The following NRG1 variants were observed in gnomAD, a reference collection of about 807,000 sequenced individuals.
NRG1 encodes pro-neuregulin-1, membrane-bound isoform.
NRG1 carries 18 observed loss-of-function variants against 63.8 expected under a neutral mutation model. That is an observed-to-expected ratio of 0.28 (90% CI 0.19 to 0.42). NRG1 has a LOEUF of 0.42. NRG1 is among the 10% of genes least tolerant of loss of function. The pLI is 1.00. For missense variants in NRG1, 762 were observed against 814.7 expected, an observed-to-expected ratio of 0.94 and a Z score of 0.79; for synonymous variants, 302 against 301.3, an observed-to-expected ratio of 1.00 and a Z score of -0.02.
At chr8:32,129,699 A>T (rs1487055296) in intron 1 of NRG1, among the ~76,000 whole-genome samples, 2 of 151,960 alleles carry the variant, frequency 1.3e-5, no homozygotes, top group Non-Finnish European at 2.9e-5. Flanking sequence ...TTATGGGTGG[A>T]AAAAGCTTCC....
intron 1 of NRG1, among the ~76,000 whole-genome samples, chr8:31,947,054 C>T (rs866589800): frequency 6.6e-6 from 1 of 150,970 alleles, no homozygotes; most frequent in Non-Finnish European, 1.5e-5. Context: ...TAATCCCAGC[C>T]CTTTGGGAGG....
At chr8:32,291,918 A>G (rs1447060182) in intron 1 of NRG1, among the ~76,000 whole-genome samples, 1 of 152,200 alleles carries the variant, frequency 6.6e-6, no homozygotes, top group Non-Finnish European at 1.5e-5. Context: ...TTGTTGCTAA[A>G]GGCTTGGTAC....
exon 12 of NRG1, chr8:32,766,373 T>A (rs1299600208): frequency 6.6e-6 from 1 of 152,122 alleles, no homozygotes; most frequent in East Asian, 1.9e-4. Context: ...CACTGAGGAG[T>A]CTTTGTCAGG....
chr8:31,766,133 G>A lies in NRG1; in HGVS notation c.37+126702G>A, dbSNP rs144720472. Among the ~76,000 whole-genome samples the A allele has an allele frequency of 2.4e-4, 36 of 152,074 alleles. No individual in the cohort carries two copies. The East Asian group carries it at 6.8e-3, about 29-fold the overall frequency. On this transcript the variant is annotated intron_variant, in intron 1 of 10. Coordinates refer to the NRG1 transcript ENST00000519301. Reference sequence around the variant, plus strand: ...CAGGCAAGAGACAAGTGTACATCTAGTTCCACCAAGAAAACACACACACAC... The same window carrying A: ...CAGGCAAGAGACAAGTGTACATCTAATTCCACCAAGAAAACACACACACAC...
chr8:32,346,089 A>G (rs1226147449), intron 1 of NRG1, among the ~76,000 whole-genome samples: 1 of 147,744 alleles, frequency 6.8e-6, no homozygotes, highest in African/African-American at 2.5e-5. Context: ...ACTATAATTT[A>G]TATACTTATA....
At chr8:31,827,363 A>G (rs1824672748) in intron 1 of NRG1, among the ~76,000 whole-genome samples, 3 of 152,176 alleles carry the variant, frequency 2.0e-5, no homozygotes, top group South Asian at 4.1e-4. Flanking sequence ...GACTTTCCAT[A>G]TGGTGTTCCA....
intron 1 of NRG1, among the ~76,000 whole-genome samples, chr8:31,791,679 G>T (rs1231142964): frequency 6.6e-6 from 1 of 152,094 alleles, no homozygotes; most frequent in Admixed American, 6.5e-5. Flanking sequence ...CATTTCACCT[G>T]CTGCTGGATG....
chr8:32,413,365 G>A (rs552829786), intron 1 of NRG1, among the ~76,000 whole-genome samples: 30 of 152,146 alleles, frequency 2.0e-4, no homozygotes, highest in Non-Finnish European at 3.5e-4. Flanking sequence ...CCTGTTACAA[G>A]CCTGAGGAGA....
chr8:32,610,711 A>C (rs796432235), intron 3 of NRG1, among the ~76,000 whole-genome samples: 19 of 152,288 alleles, frequency 1.2e-4, no homozygotes, highest in African/African-American at 4.3e-4. Context: ...TACTTTATTC[A>C]GAATTAGAGA....
At chr8:32,360,499 A>T (rs1807066039) in intron 1 of NRG1, among the ~76,000 whole-genome samples, 1 of 152,172 alleles carries the variant, frequency 6.6e-6, no homozygotes, top group Non-Finnish European at 1.5e-5. Flanking sequence ...GATAGCAGGT[A>T]GTTAATTAAT....
chr8:31,743,835 T>G (rs901961450), intron 1 of NRG1, among the ~76,000 whole-genome samples: 1 of 151,998 alleles, frequency 6.6e-6, no homozygotes, highest in African/African-American at 2.4e-5. Flanking sequence ...CTTTATATGA[T>G]TTCCAACCTT....
chr8:31,689,475 G>A (rs920877470), intron 1 of NRG1, among the ~76,000 whole-genome samples: 40 of 152,180 alleles, frequency 2.6e-4, no homozygotes, highest in Admixed American at 1.2e-3. Flanking sequence ...CTATGAGGAA[G>A]TGGCTTTTCT....
intron 1 of NRG1, among the ~76,000 whole-genome samples, chr8:31,770,534 G>A (rs936308262): frequency 2.0e-5 from 3 of 150,446 alleles, no homozygotes; most frequent in Non-Finnish European, 3.0e-5. Context: ...ACCAAACACC[G>A]CATGTTCTCA....
intron 5 of NRG1, among the ~76,000 whole-genome samples, chr8:32,691,641 G>A (rs556727559): frequency 6.6e-6 from 1 of 152,282 alleles, no homozygotes; most frequent in East Asian, 1.9e-4. Context: ...GAAAGTTCAT[G>A]TACTCTTGCT....
At chr8:32,575,534 G>A (rs1289347841) in intron 1 of NRG1, among the ~76,000 whole-genome samples, 1 of 151,888 alleles carries the variant, frequency 6.6e-6, no homozygotes, top group African/African-American at 2.4e-5. Context: ...CTGCTCAACT[G>A]CATGGATATT....
intron 1 of NRG1, among the ~76,000 whole-genome samples, chr8:32,001,105 G>A (rs750401014): frequency 5.3e-5 from 8 of 151,964 alleles, no homozygotes; most frequent in Non-Finnish European, 1.2e-4. Flanking sequence ...TTATATTAGT[G>A]TGGTAGATTT....
chr8:32,577,419 G>A (rs1839865598), intron 1 of NRG1, among the ~76,000 whole-genome samples: 1 of 152,156 alleles, frequency 6.6e-6, no homozygotes, highest in Non-Finnish European at 1.5e-5. Flanking sequence ...CCACTGACAG[G>A]TCCCTGTCCT....
chr8:32,413,849 C>G (rs1262649241), intron 1 of NRG1, among the ~76,000 whole-genome samples: 2 of 151,994 alleles, frequency 1.3e-5, no homozygotes, highest in African/African-American at 4.8e-5. Context: ...GACCTTAGAG[C>G]CATTCTCTGC....
At chr8:32,570,384 A>G (rs1838320808) in intron 1 of NRG1, among the ~76,000 whole-genome samples, 1 of 152,326 alleles carries the variant, frequency 6.6e-6, no homozygotes, top group Non-Finnish European at 1.5e-5. Flanking sequence ...AACAGAGAAT[A>G]GAACAGACAT....
Sources: allele counts gnomAD v4.1 joint callset (sites outside exome capture counted in the v4.1 genomes callset), GRCh38; gene constraint gnomAD v4.1.1; transcripts MANE v1.5; gene names NCBI Gene and HGNC (gene_info 2026-07-23, HGNC 2026-07-21).